Variants in PIK3C2G observed in about 807,000 individuals in gnomAD.
PIK3C2G encodes the protein phosphatidylinositol 3-kinase C2 domain-containing subunit gamma.
In PIK3C2G, 168 loss-of-function variants were observed where a neutral mutation model predicts 181.1. The ratio of observed to expected loss-of-function variants is 0.93; its 90% CI spans 0.82 to 1.05. PIK3C2G has a LOEUF of 1.05. Among genes scored for constraint, PIK3C2G ranks in the 50% least tolerant of loss-of-function variants. The probability of loss-of-function intolerance (pLI) is 0.00; values close to 1 mark genes in which losing one functional copy is unlikely to be tolerated. For synonymous variants in PIK3C2G, 573 were observed against 592.2 expected, an observed-to-expected ratio of 0.97 and a Z score of 0.47; for missense variants, 1,869 against 1,732.8, an observed-to-expected ratio of 1.08 and a Z score of -1.40.
chr12:18,425,138 C>CT (rs1457054882), intron 18 of PIK3C2G: 2 of 196,142 alleles, frequency 1.0e-5, no homozygotes, highest in Non-Finnish European at 2.2e-5. Context: ...CTGCTCGTGC[C>CT]TTTTTTAGCA....
chr12:18,290,779 A>G (rs1235965090), intron 3 of PIK3C2G, 76 bp from the exon 4 acceptor site: 2 of 900,898 alleles, frequency 2.2e-6, no homozygotes, highest in Admixed American at 2.7e-5. Context: ...TCTTAAAATT[A>G]CATTGTGGGC....
chr12:18,266,749 A>T (rs1465733933), intron 1 of PIK3C2G, among the ~76,000 whole-genome samples: 2 of 152,090 alleles, frequency 1.3e-5, no homozygotes, highest in African/African-American at 4.8e-5. Flanking sequence ...TGTCTTTACA[A>T]GTAAACTGTA....
chr12:18,252,075 G>A (rs138753141), intron 1 of PIK3C2G, among the ~76,000 whole-genome samples: 47 of 152,240 alleles, frequency 3.1e-4, no homozygotes, highest in African/African-American at 9.9e-4. Context: ...AAATATTCAT[G>A]TTAGAAATTA....
intron 3 of PIK3C2G, among the ~76,000 whole-genome samples, chr12:18,289,887 T>TA (rs11427751): frequency 1 from 151,905 of 151,986 alleles, 75,912 homozygotes; most frequent in Middle Eastern, 1. Flanking sequence ...ATAGTTAACA[T>TA]AAAAAAAACA....
chr12:18,386,228 T>C (rs1487882684), intron 14 of PIK3C2G, among the ~76,000 whole-genome samples: 1 of 152,196 alleles, frequency 6.6e-6, no homozygotes, highest in East Asian at 1.9e-4. Flanking sequence ...CCGTGCACAG[T>C]GGACATATTC....
intron 16 of PIK3C2G, among the ~76,000 whole-genome samples, chr12:18,405,634 A>C (rs1253311556): frequency 1.3e-5 from 2 of 152,148 alleles, no homozygotes. Flanking sequence ...AGAACTCTTG[A>C]AAAAGATTTT....
chr12:18,309,389 T>G (rs1406305110), intron 5 of PIK3C2G, among the ~76,000 whole-genome samples: 2 of 150,528 alleles, frequency 1.3e-5, no homozygotes, highest in Non-Finnish European at 3.0e-5. Flanking sequence ...AGCAAGCTCA[T>G]AGTGGAAAAT....
intron 18 of PIK3C2G, among the ~76,000 whole-genome samples, chr12:18,427,270 C>T (rs2135737022): frequency 6.6e-6 from 1 of 151,646 alleles, no homozygotes; most frequent in Non-Finnish European, 1.5e-5. Context: ...CTTTGGGAGG[C>T]CAAGGCTGGT....
chr12:18,352,537 G>A (rs912463105), intron 11 of PIK3C2G, among the ~76,000 whole-genome samples: 28 of 152,196 alleles, frequency 1.8e-4, no homozygotes, highest in Admixed American at 3.3e-4. Context: ...TGGATCCCCA[G>A]AAGGCATCTG....
chr12:18,628,473 A>G (rs1224556341), intron 31 of PIK3C2G, among the ~76,000 whole-genome samples: 1 of 152,204 alleles, frequency 6.6e-6, no homozygotes. Context: ...ATTGAAAGCC[A>G]TTTGAAATGC....
intron 4 of PIK3C2G, 137 bp from the exon 5 acceptor site, chr12:18,293,764 T>C (rs1565564618): frequency 4.9e-6 from 3 of 616,738 alleles, no homozygotes; most frequent in Non-Finnish European, 8.7e-6. Context: ...CAGATGAATC[T>C]CAATTTAATT....
chr12:18,365,012 T>G (rs2137822622), intron 12 of PIK3C2G, among the ~76,000 whole-genome samples: 1 of 152,348 alleles, frequency 6.6e-6, no homozygotes, highest in South Asian at 2.1e-4. Context: ...ACTCACACAC[T>G]TATGCCATCA....
chr12:18,577,440 T>C (rs1030385378), intron 29 of PIK3C2G, among the ~76,000 whole-genome samples: 1 of 152,204 alleles, frequency 6.6e-6, no homozygotes, highest in African/African-American at 2.4e-5. Flanking sequence ...GTGTCTCTTT[T>C]AATCTCCATT....
the PIK3C2G span, among the ~76,000 whole-genome samples, chr12:18,710,776 T>A: frequency 6.6e-6 from 1 of 151,950 alleles, no homozygotes; most frequent in African/African-American, 2.4e-5. Flanking sequence ...AAAAAACACA[T>A]GAAAAAATGC....
At chr12:18,263,476 C>A (rs149770785) in intron 1 of PIK3C2G, among the ~76,000 whole-genome samples, 6 of 152,116 alleles carry the variant, frequency 3.9e-5, no homozygotes, top group Admixed American at 3.9e-4. Context: ...GATCACTCTA[C>A]AAATGATGTG....
chr12:18,707,727 A>T, the PIK3C2G span, among the ~76,000 whole-genome samples: 2 of 152,162 alleles, frequency 1.3e-5, no homozygotes, highest in Non-Finnish European at 2.9e-5. Flanking sequence ...TTTTCCAAAT[A>T]GTGACTACCT....
At chr12:18,452,031 T>C (rs1456111389) in intron 18 of PIK3C2G, among the ~76,000 whole-genome samples, 1 of 152,220 alleles carries the variant, frequency 6.6e-6, no homozygotes, top group East Asian at 1.9e-4. Flanking sequence ...CCTGAAATTT[T>C]CTTTTTTTGT....
intron 13 of PIK3C2G, among the ~76,000 whole-genome samples, chr12:18,373,545 T>G (rs993215283): frequency 6.6e-6 from 1 of 152,148 alleles, no homozygotes; most frequent in Non-Finnish European, 1.5e-5. Context: ...AAACTTGTCT[T>G]CAGTTCTATT....
At chr12:18,474,482 G>C (rs1027942241) in intron 18 of PIK3C2G, among the ~76,000 whole-genome samples, 10 of 151,956 alleles carry the variant, frequency 6.6e-5, no homozygotes, top group African/African-American at 2.2e-4. Flanking sequence ...CAGAATTCTT[G>C]GGAAAGAAAA....
Sources: gnomAD v4.1 joint callset for allele counts (sites outside exome capture counted in the v4.1 genomes callset) on GRCh38, gnomAD v4.1.1 for gene constraint, MANE v1.5 for transcripts, NCBI Gene and HGNC (gene_info 2026-07-23, HGNC 2026-07-21) for gene names.